The following BBS7 variants were observed in gnomAD, a reference collection of about 807,000 sequenced individuals.
BBS7 encodes Bardet-Biedl syndrome 7.
BBS7 carries 50 observed loss-of-function variants against 90.3 expected under a neutral mutation model. That is an observed-to-expected ratio of 0.55 (90% CI 0.44 to 0.70). The LOEUF is 0.70. BBS7 is among the 30% of genes least tolerant of loss of function. BBS7 has a pLI of 0.00. For synonymous variants in BBS7, 235 were observed against 287.4 expected (o/e 0.82, Z 1.85); for missense variants, 729 against 838.9 (o/e 0.87, Z 1.62).
At chr4:121,863,085 T>TCA in intron 3 of BBS7, 132 bp downstream of exon 3, 1 of 824,226 alleles carries the variant, frequency 1.2e-6, no homozygotes, top group Non-Finnish European at 2.0e-6. Flanking sequence ...GACTCATATC[T>TCA]CACATAACTA....
At chr4:121,835,091 C>G in intron 14 of BBS7, 53 bp downstream of exon 14, 1 of 1,580,476 alleles carries the variant, frequency 6.3e-7, no homozygotes, top group South Asian at 1.1e-5. Flanking sequence ...AAAAACAGGT[C>G]TATTTGAATT....
At chr4:121,838,765 G>A (rs1578536168) in intron 13 of BBS7, among the ~76,000 whole-genome samples, 1 of 151,594 alleles carries the variant, frequency 6.6e-6, no homozygotes, top group East Asian at 1.9e-4. Flanking sequence ...TGTGGTGGTG[G>A]GCACCTGTAA....
chr4:121,846,923 G>A (rs1252175586), intron 10 of BBS7, among the ~76,000 whole-genome samples: 2 of 152,138 alleles, frequency 1.3e-5, no homozygotes, highest in Non-Finnish European at 2.9e-5. Flanking sequence ...CACAGCACAC[G>A]TCAAATTGAG....
At chr4:121,855,968 A>G (rs1321361478) in intron 5 of BBS7, among the ~76,000 whole-genome samples, 2 of 151,682 alleles carry the variant, frequency 1.3e-5, no homozygotes, top group Non-Finnish European at 2.9e-5. Flanking sequence ...GTGTGTATAT[A>G]TATATATATA....
chr4:121,852,877 TTAA>T (rs1172310662), intron 8 of BBS7, 76 bp downstream of exon 8: 1 of 1,407,352 alleles, frequency 7.1e-7, no homozygotes, highest in East Asian at 2.4e-5. Context: ...ATATTTTCAC[TTAA>T]TAAAATTCAA....
At chr4:121,834,184 C>T (rs1725333231) in intron 14 of BBS7, among the ~76,000 whole-genome samples, 4 of 152,064 alleles carry the variant, frequency 2.6e-5, no homozygotes, top group South Asian at 2.1e-4. Context: ...ATGAAAAGTT[C>T]GGACCAATCC....
intron 4 of BBS7, 113 bp from the exon 5 acceptor site, chr4:121,859,291 G>T: frequency 2.1e-6 from 2 of 958,592 alleles, no homozygotes; most frequent in Non-Finnish European, 3.2e-6. Context: ...TAGACTTAGA[G>T]AACACAGTTT....
intron 15 of BBS7, 127 bp from the exon 16 acceptor site, chr4:121,828,855 T>A: frequency 1.8e-6 from 1 of 564,302 alleles, no homozygotes. Flanking sequence ...TATACATATA[T>A]CATTAATATA....
chr4:121,828,042 T>C, intron 18 of BBS7, 104 bp downstream of exon 18: 2 of 1,559,984 alleles, frequency 1.3e-6, no homozygotes, highest in Non-Finnish European at 1.7e-6. Context: ...GAATCATGAC[T>C]GATGTAATCT....
rs1248944775 is a variant in BBS7 at position 121,828,291 on chromosome 4, A to G, written c.1891-22T>C. Reference sequence around the variant, plus strand: ...ATTCCTATTTAAAATGAAAAACAGAAGCACCTTAATATTCAAAATTCAATC... The same window carrying G: ...ATTCCTATTTAAAATGAAAAACAGAGGCACCTTAATATTCAAAATTCAATC... On this transcript the variant is annotated intron_variant, in intron 17 of 18. Coordinates refer to ENST00000264499, the MANE Select transcript of BBS7 (RefSeq NM_176824.3). 5 of 1,606,484 alleles carry G rather than the reference A, an allele frequency of 3.1e-6. No individual in the cohort carries two copies. In the Admixed American group the frequency reaches 8.3e-5, roughly 27 times the overall value.
intron 1 of BBS7, among the ~76,000 whole-genome samples, chr4:121,869,202 A>T (rs1032414604): frequency 4.6e-5 from 7 of 152,182 alleles, no homozygotes; most frequent in African/African-American, 1.7e-4. Flanking sequence ...CATAGCATAA[A>T]CCCCTAGAAA....
intron 18 of BBS7, 110 bp from the exon 19 acceptor site, chr4:121,826,103 T>A (rs1724894894): frequency 3.4e-6 from 3 of 874,534 alleles, no homozygotes; most frequent in Admixed American, 2.7e-5. Flanking sequence ...TGTAATTCCA[T>A]GATTTAACAT....
intron 18 of BBS7, among the ~76,000 whole-genome samples, 163 bp from the exon 19 acceptor site, chr4:121,826,156 G>C (rs1268426624): frequency 2.0e-5 from 3 of 152,072 alleles, no homozygotes; most frequent in Non-Finnish European, 2.9e-5. Flanking sequence ...GTCATTTTGG[G>C]GGGATTTTAA....
chr4:121,828,074 C>G (rs2149047820), intron 18 of BBS7, 72 bp downstream of exon 18: 1 of 1,597,158 alleles, frequency 6.3e-7, no homozygotes, highest in East Asian at 2.2e-5. Context: ...TGCCCAGCTT[C>G]TCTTACATGA....
intron 2 of BBS7, among the ~76,000 whole-genome samples, chr4:121,867,341 T>C (rs569179861): frequency 2.0e-5 from 3 of 152,268 alleles, no homozygotes; most frequent in African/African-American, 7.2e-5. Context: ...GGTTTTTCTA[T>C]ATATAGGATC....
chr4:121,861,395 A>G, intron 4 of BBS7, 109 bp downstream of exon 4: 1 of 1,036,628 alleles, frequency 9.6e-7, no homozygotes, highest in East Asian at 2.6e-5. Context: ...ACCTTTAGTT[A>G]ATTTTATTTT....
Position 121,870,454 on chromosome 4 carries a change from C to T in BBS7, c.-141G>A, listed in dbSNP as rs1560674064. 1.1e-6 allele frequency: 1 copy of T among 892,282 alleles called. No individual in the cohort carries two copies. The highest frequency in any genetic ancestry group is 1.8e-6 in the Non-Finnish European group (1 of 548,292). 55.3% of individuals were successfully genotyped at this position (892,282 alleles called of 1,614,324 possible). A position where few individuals can be genotyped will look rare whatever the true frequency, so the allele number is the denominator to read the frequency against. On this transcript the variant is annotated 5_prime_UTR_variant, in exon 1 of 19. Transcript: ENST00000264499. ...CCAGCTACCGCGCCTAGGTCCTGGG[C>T]TGCACAGGCGGGGCGACAGGGCAGT...
chr4:121,842,245 C>A (rs1725774288), intron 12 of BBS7, among the ~76,000 whole-genome samples: 3 of 130,874 alleles, frequency 2.3e-5, no homozygotes, highest in Admixed American at 7.8e-5. Context: ...GAGTGAGACT[C>A]CATCTCAAAA....
intron 15 of BBS7, 86 bp from the exon 16 acceptor site, chr4:121,828,814 A>G (rs1392587066): frequency 2.5e-6 from 2 of 814,942 alleles, no homozygotes; most frequent in Non-Finnish European, 3.8e-6. Context: ...TACTTAGAGT[A>G]TAGATTTCAT....
Sources: allele counts gnomAD v4.1 joint callset (sites outside exome capture counted in the v4.1 genomes callset), GRCh38; gene constraint gnomAD v4.1.1; transcripts MANE v1.5; gene names NCBI Gene and HGNC (gene_info 2026-07-23, HGNC 2026-07-21).